The following ADGRV1 variants were observed in gnomAD, a reference collection of about 807,000 sequenced individuals.
ADGRV1 encodes G-protein coupled receptor 98.
A neutral mutation model predicts 596.2 loss-of-function variants in ADGRV1; 359 were observed. That is an observed-to-expected ratio of 0.60 (90% confidence interval 0.55 to 0.66). ADGRV1 has a LOEUF of 0.66. Ranked by LOEUF, ADGRV1 falls within the 30% of genes least tolerant of loss-of-function variation. ADGRV1 has a pLI of 0.00. For missense variants in ADGRV1, 7,274 were observed against 7,575.6 expected (o/e 0.96, Z 1.48); for synonymous variants, 2,681 against 2,679.2 (o/e 1.00, Z -0.02).
chr5:91,035,747 C>T (rs1405872110), intron 85 of ADGRV1, among the ~76,000 whole-genome samples: 1 of 149,756 alleles, frequency 6.7e-6, no homozygotes, highest in Non-Finnish European at 1.5e-5. Context: ...TTATTTAACC[C>T]CTCTGTTCTT....
rs5869513 is a variant in ADGRV1 at position 90,662,187 on chromosome 5, C to CTTTT, written c.4752+3926_4752+3929dup. ...TGTTTAATCATTTTTGGTTAAACAA[C>CTTTT]TTTTTTTTTTTTTTTTTTTTGAGAC... On this transcript the variant is annotated intron_variant, in intron 21 of 89. Coordinates refer to ENST00000405460, the MANE Select transcript of ADGRV1 (RefSeq NM_032119.4). 7.4e-4 allele frequency among the ~76,000 whole-genome samples: 97 copies of CTTTT among 130,852 alleles called. 16 individuals carry two copies. Among genetic ancestry groups the CTTTT allele is most frequent in the African/African-American group, 8.2e-4 (28 of 34,278 alleles). 85.8% of individuals were successfully genotyped at this position (130,852 alleles called of 152,430 possible).
At chr5:90,760,049 C>A (rs77855755) in intron 58 of ADGRV1, 9,296 of 145,794 alleles carry the variant, frequency 0.064, 357 homozygotes, top group East Asian at 0.14. Context: ...CCGAGGCGGG[C>A]GGATCACGAG....
intron 21 of ADGRV1, among the ~76,000 whole-genome samples, chr5:90,670,274 G>A (rs1409571240): frequency 1.3e-5 from 2 of 152,188 alleles, no homozygotes; most frequent in Non-Finnish European, 2.9e-5. Context: ...CTTGCTGTAA[G>A]TGGGCTGATG....
Position 90,810,551 on chromosome 5 carries a change from A to G in ADGRV1, c.15291A>G (p.Val5097=). ...EEFFYINLTS[V]EIRGLQKFDV... is the part of the protein sequence containing the mutation. ...TTTTTTACATTAACCTTACTTCAGT[A>G]GAAATTAGGGGATTACAAAAGTTTG... The change falls in exon 74 of 90, where the codon GTA becomes GTG. Residue 5097 remains valine (V), a synonymous_variant. Coordinates refer to ENST00000405460, the MANE Select transcript of ADGRV1 (RefSeq NM_032119.4). 1 of 1,613,814 alleles carries G rather than the reference A, an allele frequency of 6.2e-7. No individual in the cohort carries two copies. The highest frequency in any genetic ancestry group is 8.5e-7 in the Non-Finnish European group (1 of 1,179,700).
intron 86 of ADGRV1, among the ~76,000 whole-genome samples, chr5:91,093,243 C>G (rs759910938): frequency 9.2e-5 from 14 of 152,184 alleles, no homozygotes; most frequent in Non-Finnish European, 2.1e-4. Flanking sequence ...TCTATCTATC[C>G]CTCGAGTTCA....
At chr5:91,069,066 T>G (rs1788145717) in intron 85 of ADGRV1, among the ~76,000 whole-genome samples, 1 of 152,088 alleles carries the variant, frequency 6.6e-6, no homozygotes, top group South Asian at 2.1e-4. Context: ...CAATAAATGG[T>G]GCTGGGATAA....
rs568514878 is a variant in ADGRV1 at position 90,974,696 on chromosome 5, A to G, written c.17973+9165A>G. ...CTTCCTTACACCTTATACAAAAAGT[A>G]ATTCAAGATGGATTAAAGACTTAAA... On this transcript the variant is annotated intron_variant, in intron 84 of 89. Transcript: ENST00000405460. 9.2e-5 allele frequency among the ~76,000 whole-genome samples: 14 copies of G among 152,356 alleles called. No individual in the cohort carries two copies. The South Asian group carries it at 2.7e-3, about 29-fold the overall frequency.
intron 85 of ADGRV1, among the ~76,000 whole-genome samples, chr5:91,016,510 A>AAATGCTGGCC (rs1233835279): frequency 1.3e-5 from 2 of 151,986 alleles, no homozygotes; most frequent in African/African-American, 4.8e-5. Context: ...GAGGTAGGGG[A>AAATGCTGGCC]AATGCTGGCC....
intron 85 of ADGRV1, among the ~76,000 whole-genome samples, chr5:90,993,712 AT>A (rs1781164892): frequency 6.6e-6 from 1 of 151,890 alleles, no homozygotes; most frequent in Non-Finnish European, 1.5e-5. Context: ...AACAGTTTAT[AT>A]ATCTAGGTGT....
chr5:90,693,408 A>G (rs903897910), intron 32 of ADGRV1, among the ~76,000 whole-genome samples: 1 of 152,124 alleles, frequency 6.6e-6, no homozygotes, highest in Admixed American at 6.6e-5. Flanking sequence ...TGCTATATAA[A>G]TAGTTGCTAT....
chr5:90,616,563 T>C (rs1763390976), intron 2 of ADGRV1, among the ~76,000 whole-genome samples: 1 of 152,150 alleles, frequency 6.6e-6, no homozygotes, highest in African/African-American at 2.4e-5. Context: ...CATCTCTTTC[T>C]TTTCCTTTTC....
At chr5:90,720,832 A>G (rs1750817919) in intron 44 of ADGRV1, 103 bp from the exon 45 acceptor site, 1 of 954,286 alleles carries the variant, frequency 1.0e-6, no homozygotes, top group Non-Finnish European at 1.5e-6. Flanking sequence ...TGGATTGTGT[A>G]AATTTAAAAA....
intron 86 of ADGRV1, among the ~76,000 whole-genome samples, chr5:91,085,498 C>T (rs1049349534): frequency 6.6e-6 from 1 of 152,308 alleles, no homozygotes; most frequent in East Asian, 1.9e-4. Flanking sequence ...TCCTCACTGT[C>T]TAGTCAAGAC....
chr5:90,897,502 G>T (rs1771444686), intron 83 of ADGRV1, among the ~76,000 whole-genome samples: 1 of 152,026 alleles, frequency 6.6e-6, no homozygotes, highest in Non-Finnish European at 1.5e-5. Context: ...GGTCCTTGAA[G>T]TACTGCAAGC....
intron 83 of ADGRV1, among the ~76,000 whole-genome samples, chr5:90,876,188 A>G (rs1278440623): frequency 6.6e-6 from 1 of 152,184 alleles, no homozygotes; most frequent in Non-Finnish European, 1.5e-5. Context: ...TATTTTGTAA[A>G]TAAATGGATT....
At chr5:90,643,518 T>A (rs1561443694) in intron 13 of ADGRV1, among the ~76,000 whole-genome samples, 1 of 152,206 alleles carries the variant, frequency 6.6e-6, no homozygotes, top group Non-Finnish European at 1.5e-5. Context: ...TTTGTAAGTT[T>A]AAGTGACTAG....
At chr5:90,581,112 T>C (rs1757980113) in intron 1 of ADGRV1, among the ~76,000 whole-genome samples, 2 of 152,214 alleles carry the variant, frequency 1.3e-5, no homozygotes. Flanking sequence ...TCAGGTCATT[T>C]AAAGTCTCCT....
chr5:90,906,509 G>A (rs1358520852), intron 83 of ADGRV1, among the ~76,000 whole-genome samples: 2 of 152,004 alleles, frequency 1.3e-5, no homozygotes, highest in Admixed American at 6.6e-5. Context: ...CAATTTATTG[G>A]CATATAGTTT....
At chr5:91,013,824 G>A (rs1782924409) in intron 85 of ADGRV1, among the ~76,000 whole-genome samples, 1 of 151,858 alleles carries the variant, frequency 6.6e-6, no homozygotes, top group East Asian at 1.9e-4. Flanking sequence ...GTTTTCCAGG[G>A]ATTTTATAGT....
Sources: gnomAD v4.1 joint callset for allele counts (sites outside exome capture counted in the v4.1 genomes callset) on GRCh38, gnomAD v4.1.1 for gene constraint, MANE v1.5 for transcripts, NCBI Gene and HGNC (gene_info 2026-07-23, HGNC 2026-07-21) for gene names.